The following ESR1 variants were observed in gnomAD, a reference collection of about 807,000 sequenced individuals.
The protein encoded by ESR1 is estrogen receptor.
Under a neutral mutation model 52.7 loss-of-function variants are expected in ESR1, and 12 were observed. The ratio of observed to expected loss-of-function variants is 0.23; its 90% CI spans 0.15 to 0.37. The LOEUF (loss-of-function observed/expected upper bound fraction) is 0.37, where lower values mean the gene tolerates loss of function less well. ESR1 is among the 10% of genes least tolerant of loss of function. The pLI is 1.00. For synonymous variants in ESR1, 305 were observed against 316.8 expected (o/e 0.96, Z 0.39); for missense variants, 584 against 779.7 (o/e 0.75, Z 2.99).
In ESR1 at chr6:152,033,844, C is replaced by T. The variant is rs569552721; in HGVS notation, c.1235+22050C>T. Among the ~76,000 whole-genome samples the T allele has an allele frequency of 9.4e-4, 143 of 152,178 alleles. 1 individual carries two copies. The highest frequency in any genetic ancestry group is 3.2e-3 in the African/African-American group (134 of 41,520). ...ATGCTGCTATAAAGACACATGCACA[C>T]GTATGTTTATTGCAGCACTATTCAC... On this transcript the variant is annotated intron_variant, in intron 5 of 7. Transcript: ENST00000206249.
At chr6:151,927,516 T>C (rs150322488) in intron 3 of ESR1, among the ~76,000 whole-genome samples, 1 of 152,286 alleles carries the variant, frequency 6.6e-6, no homozygotes, top group East Asian at 1.9e-4. Context: ...ATATTTAATA[T>C]ATATAGAGAT....
At chr6:152,082,502 TATC>T (rs1205758536) in intron 6 of ESR1, among the ~76,000 whole-genome samples, 1 of 152,062 alleles carries the variant, frequency 6.6e-6, no homozygotes, top group African/African-American at 2.4e-5. Context: ...CCACAGCCAA[TATC>T]ATACTGAATG....
intron 3 of ESR1, among the ~76,000 whole-genome samples, chr6:151,905,052 C>G (rs889796788): frequency 6.6e-6 from 1 of 152,120 alleles, no homozygotes; most frequent in Non-Finnish European, 1.5e-5. Context: ...AGCAAAACAA[C>G]AAACAGCAGC....
intron 4 of ESR1, among the ~76,000 whole-genome samples, chr6:152,002,535 T>G (rs963048223): frequency 6.6e-6 from 1 of 152,072 alleles, no homozygotes; most frequent in Non-Finnish European, 1.5e-5. Flanking sequence ...GCAGCCAGTC[T>G]GTGCTCTTTG....
At chr6:151,809,713 G>A (rs937466134) in intron 1 of ESR1, among the ~76,000 whole-genome samples, 1 of 152,154 alleles carries the variant, frequency 6.6e-6, no homozygotes, top group Non-Finnish European at 1.5e-5. Context: ...AGCCGCCTTG[G>A]AGAAATTTAG....
upstream of ESR1, among the ~76,000 whole-genome samples, chr6:151,799,825 G>A (rs186834032): frequency 2.0e-4 from 30 of 152,182 alleles, no homozygotes; most frequent in African/African-American, 7.2e-4. Context: ...AGGGATGGGA[G>A]GAAGATTTCA....
intron 5 of ESR1, among the ~76,000 whole-genome samples, chr6:152,031,559 G>A (rs1293416550): frequency 3.9e-5 from 6 of 152,156 alleles, no homozygotes; most frequent in South Asian, 2.1e-4. Flanking sequence ...TAAATTCCTC[G>A]ACACATACAC....
chr6:151,991,144 A>G (rs1209577717), intron 4 of ESR1, among the ~76,000 whole-genome samples: 1 of 152,164 alleles, frequency 6.6e-6, no homozygotes, highest in Non-Finnish European at 1.5e-5. Context: ...TTGGCTCTGT[A>G]CAGACAGTAA....
intron 2 of ESR1, among the ~76,000 whole-genome samples, chr6:151,769,536 A>G (rs1285927058): frequency 2.0e-5 from 3 of 152,182 alleles, no homozygotes; most frequent in South Asian, 2.1e-4. Context: ...AGCATTTGTA[A>G]TTGACAGAGT....
intron 4 of ESR1, among the ~76,000 whole-genome samples, chr6:151,977,963 G>GAAAAAAAAAAAAAAAAAAAAAA (rs5880951): frequency 8.4e-6 from 1 of 118,356 alleles, no homozygotes; most frequent in African/African-American, 3.2e-5. Flanking sequence ...AAAAAAAAAA[G>GAAAAAAAAAAAAAAAAAAAAAA]AAAAAAAAAA....
intron 1 of ESR1, among the ~76,000 whole-genome samples, chr6:151,693,306 T>A (rs1179594606): frequency 6.6e-6 from 1 of 152,222 alleles, no homozygotes; most frequent in Non-Finnish European, 1.5e-5. Context: ...TATGAACATC[T>A]GATCATAACT....
chr6:151,966,958 C>A (rs1004252692), intron 4 of ESR1, among the ~76,000 whole-genome samples: 1 of 152,154 alleles, frequency 6.6e-6, no homozygotes, highest in Non-Finnish European at 1.5e-5. Flanking sequence ...GTGGGACAAG[C>A]AAATCCCTAT....
chr6:152,068,696 C>T (rs2048159379), intron 6 of ESR1, among the ~76,000 whole-genome samples: 1 of 152,094 alleles, frequency 6.6e-6, no homozygotes, highest in South Asian at 2.1e-4. Context: ...TATGAGAATC[C>T]ATCTTTAATT....
intron 3 of ESR1, among the ~76,000 whole-genome samples, chr6:151,927,625 G>C (rs1441061133): frequency 6.6e-6 from 1 of 152,124 alleles, no homozygotes; most frequent in African/African-American, 2.4e-5. Flanking sequence ...TGAGCATAGA[G>C]TTGTTCATAA....
chr6:151,974,822 G>T (rs535938367), intron 4 of ESR1, among the ~76,000 whole-genome samples: 1 of 152,168 alleles, frequency 6.6e-6, no homozygotes, highest in Non-Finnish European at 1.5e-5. Context: ...GATCCCCAAA[G>T]CCGTCTTCAC....
intron 3 of ESR1, among the ~76,000 whole-genome samples, chr6:151,891,883 C>T (rs1030430538): frequency 3.3e-5 from 5 of 151,948 alleles, no homozygotes; most frequent in East Asian, 1.9e-4. Context: ...TTTATATAGA[C>T]GGTGTCACAG....
intron 1 of ESR1, chr6:151,813,203 TA>T (rs1414653132): frequency 2.6e-5 from 4 of 152,058 alleles, no homozygotes; most frequent in Non-Finnish European, 4.4e-5. Context: ...ATTATGTGTA[TA>T]TTTTTAGATC....
upstream of ESR1, among the ~76,000 whole-genome samples, chr6:151,803,498 G>A (rs1777463658): frequency 6.6e-6 from 1 of 152,140 alleles, no homozygotes; most frequent in Admixed American, 6.5e-5. Context: ...GGACTAGGAA[G>A]GATCGTTATG....
chr6:152,075,075 C>CT (rs2048631027), intron 6 of ESR1, among the ~76,000 whole-genome samples: 1 of 152,194 alleles, frequency 6.6e-6, no homozygotes, highest in African/African-American at 2.4e-5. Flanking sequence ...GGTTTTTACA[C>CT]TTTCTTCTGC....
Sources: allele counts gnomAD v4.1 joint callset (sites outside exome capture counted in the v4.1 genomes callset), GRCh38; gene constraint gnomAD v4.1.1; transcripts MANE v1.5; gene names NCBI Gene and HGNC (gene_info 2026-07-23, HGNC 2026-07-21).